The following SVOP variants were observed in gnomAD, a reference collection of about 807,000 sequenced individuals.
SVOP encodes SV2 related protein, also known as synaptic vesicle 2-related protein.
A neutral mutation model predicts 69.1 loss-of-function variants in SVOP; 17 were observed. The observed-to-expected ratio is 0.25, with a 90% CI of 0.17 to 0.37. The LOEUF is 0.37. SVOP is among the 10% of genes least tolerant of loss of function. The pLI is 1.00. For synonymous variants in SVOP, 238 were observed against 238.6 expected, an observed-to-expected ratio of 1.00 and a Z score of 0.02; for missense variants, 435 against 597.5, an observed-to-expected ratio of 0.73 and a Z score of 2.84.
rs144642205 is a variant in SVOP at position 108,965,077 on chromosome 12, G to A, written c.454-4030C>T. On this transcript the variant is annotated intron_variant, in intron 5 of 15. Transcript: ENST00000610966. ...TTCATGCATAAAATATGCATATATTGAACACCTGCTGTTTGCTAGGCCCTG... is the reference window on the plus strand; with the variant it reads ...TTCATGCATAAAATATGCATATATTAAACACCTGCTGTTTGCTAGGCCCTG... Among the ~76,000 whole-genome samples, 447 of 152,190 alleles carry A rather than the reference G, an allele frequency of 2.9e-3. 9 individuals carry two copies. Among genetic ancestry groups the A allele is most frequent in the African/African-American group, 0.01 (427 of 41,498 alleles).
At chr12:109,005,362 C>T (rs764330731) in intron 1 of SVOP, among the ~76,000 whole-genome samples, 6 of 152,108 alleles carry the variant, frequency 3.9e-5, no homozygotes, top group Admixed American at 6.5e-5. Flanking sequence ...CACAGGGTAG[C>T]CATGGAGATC....
chr12:108,920,728 G>T (rs1325701727), intron 12 of SVOP, among the ~76,000 whole-genome samples: 2 of 151,482 alleles, frequency 1.3e-5, no homozygotes, highest in African/African-American at 2.4e-5. Flanking sequence ...CTGCTGAGTA[G>T]CTGGGACTAC....
intron 2 of SVOP, among the ~76,000 whole-genome samples, chr12:108,982,389 T>C (rs1424982605): frequency 6.7e-6 from 1 of 149,634 alleles, no homozygotes; most frequent in Non-Finnish European, 1.5e-5. Context: ...CTTATCACCA[T>C]CTTCATCACT....
chr12:108,954,553 C>T (rs2039975052), intron 6 of SVOP, among the ~76,000 whole-genome samples: 1 of 152,112 alleles, frequency 6.6e-6, no homozygotes, highest in Non-Finnish European at 1.5e-5. Context: ...ATCCCAGAAC[C>T]CCATGGGAAG....
At chr12:108,943,128 T>A (rs1593185326) in intron 7 of SVOP, among the ~76,000 whole-genome samples, 1 of 152,086 alleles carries the variant, frequency 6.6e-6, no homozygotes, top group African/African-American at 2.4e-5. Flanking sequence ...GGACCCTGAC[T>A]CTACAACTAC....
intron 11 of SVOP, among the ~76,000 whole-genome samples, chr12:108,932,596 T>C (rs2039828281): frequency 6.6e-6 from 1 of 152,160 alleles, no homozygotes; most frequent in Non-Finnish European, 1.5e-5. Context: ...CCCAATCTAC[T>C]GAACGAATCC....
intron 12 of SVOP, among the ~76,000 whole-genome samples, 158 bp downstream of exon 12, chr12:108,922,532 C>T (rs1039796659): frequency 2.0e-5 from 3 of 152,254 alleles, no homozygotes; most frequent in Non-Finnish European, 2.9e-5. Flanking sequence ...AGCCCCTTCA[C>T]AGTTCTTGAC....
chr12:108,989,291 T>C (rs890866057), intron 1 of SVOP, among the ~76,000 whole-genome samples: 1 of 152,190 alleles, frequency 6.6e-6, no homozygotes, highest in Non-Finnish European at 1.5e-5. Context: ...GTCAGGCTGG[T>C]CTCAAACTCT....
At chr12:108,932,661 T>C (rs1301327292) in intron 11 of SVOP, among the ~76,000 whole-genome samples, 4 of 152,046 alleles carry the variant, frequency 2.6e-5, no homozygotes, top group Non-Finnish European at 4.4e-5. Context: ...CCGGCCATGA[T>C]GGGAAGGAGG....
intron 5 of SVOP, among the ~76,000 whole-genome samples, chr12:108,971,574 C>T (rs1476781772): frequency 2.6e-5 from 4 of 152,134 alleles, no homozygotes; most frequent in Admixed American, 2.0e-4. Context: ...AAATCCATTT[C>T]ATATCATGTC....
At chr12:108,981,180 C>T (rs2137436427) in intron 2 of SVOP, among the ~76,000 whole-genome samples, 1 of 152,326 alleles carries the variant, frequency 6.6e-6, no homozygotes, top group South Asian at 2.1e-4. Flanking sequence ...TGCTCACTAC[C>T]TGCAAGGCAC....
chr12:108,920,683 C>T (rs10778666), intron 12 of SVOP, among the ~76,000 whole-genome samples: 45,429 of 148,954 alleles, frequency 0.3, 8,002 homozygotes, highest in South Asian at 0.5. Context: ...TTGCAATCTC[C>T]GCCTCCTGGG....
chr12:108,964,748 T>C (rs1421326696), intron 5 of SVOP, among the ~76,000 whole-genome samples: 2 of 152,170 alleles, frequency 1.3e-5, no homozygotes, highest in Non-Finnish European at 2.9e-5. Flanking sequence ...ACTATGACTG[T>C]CATTCCGTCT....
chr12:108,916,693 T>C (rs1236848007), intron 14 of SVOP, among the ~76,000 whole-genome samples: 1 of 152,232 alleles, frequency 6.6e-6, no homozygotes, highest in Non-Finnish European at 1.5e-5. Flanking sequence ...GGAGGAAAGC[T>C]GTCCCCCAAC....
intron 11 of SVOP, among the ~76,000 whole-genome samples, chr12:108,930,435 CTTTT>C (rs35584030): frequency 1.8e-3 from 213 of 117,552 alleles, no homozygotes; most frequent in Admixed American, 2.7e-3. Context: ...CAGTTGATTG[CTTTT>C]TTTTTTTTTT....
At chr12:108,943,630 A>G (rs1176570748) in intron 7 of SVOP, among the ~76,000 whole-genome samples, 1 of 151,618 alleles carries the variant, frequency 6.6e-6, no homozygotes, top group African/African-American at 2.4e-5. Flanking sequence ...GACACCAGTT[A>G]TACAGGCCCA....
At chr12:108,940,047 TG>T (rs2137405770) in intron 8 of SVOP, among the ~76,000 whole-genome samples, 1 of 152,300 alleles carries the variant, frequency 6.6e-6, no homozygotes, top group East Asian at 1.9e-4. Flanking sequence ...TTACTGAACT[TG>T]TGGGCTTTAT....
At position 108,989,854 on chromosome 12, in the gene SVOP, G is replaced by A. The variant is rs138179477; in HGVS notation, c.36-6093C>T. ...TGAATTCCCCTTCCTCGAACTCCTTGGATAATAGCCCTCAAACCATGCAAC... is the reference window on the plus strand; with the variant it reads ...TGAATTCCCCTTCCTCGAACTCCTTAGATAATAGCCCTCAAACCATGCAAC... On this transcript the variant is annotated intron_variant, in intron 1 of 15. Coordinates refer to ENST00000610966, the MANE Select transcript of SVOP (RefSeq NM_018711.5). 5.0e-3 allele frequency among the ~76,000 whole-genome samples: 759 copies of A among 152,306 alleles called. 8 individuals are homozygous for A. The highest frequency in any genetic ancestry group is 0.017 in the African/African-American group (725 of 41,568).
intron 1 of SVOP, among the ~76,000 whole-genome samples, chr12:108,987,726 A>G (rs1252661839): frequency 6.6e-6 from 1 of 152,152 alleles, no homozygotes; most frequent in Non-Finnish European, 1.5e-5. Context: ...GGCCCTTTGT[A>G]CATCTTTGAA....
Sources: allele counts gnomAD v4.1 joint callset (sites outside exome capture counted in the v4.1 genomes callset), GRCh38; gene constraint gnomAD v4.1.1; transcripts MANE v1.5; gene names NCBI Gene and HGNC (gene_info 2026-07-23, HGNC 2026-07-21).